SLC9A9: variants seen among roughly 807,000 people sequenced by gnomAD.
The protein encoded by SLC9A9 is sodium/hydrogen exchanger 9.
In SLC9A9, 62 loss-of-function variants were observed where a neutral mutation model predicts 77.8. The observed-to-expected ratio is 0.80, with a 90% CI of 0.65 to 0.98. The LOEUF (loss-of-function observed/expected upper bound fraction) is 0.98. SLC9A9 is among the 50% of genes least tolerant of loss of function. The pLI, the probability that SLC9A9 is intolerant of heterozygous loss-of-function variation, is 0.00. For synonymous variants in SLC9A9, 320 were observed against 283.5 expected, an observed-to-expected ratio of 1.13 and a Z score of -1.29; for missense variants, 775 against 774.9, an observed-to-expected ratio of 1.00 and a Z score of 0.00.
At chr3:143,482,344 T>C (rs1188699467) in intron 11 of SLC9A9, among the ~76,000 whole-genome samples, 1 of 152,206 alleles carries the variant, frequency 6.6e-6, no homozygotes, top group Admixed American at 6.5e-5. Flanking sequence ...TTCATGGTTA[T>C]GTGAGCTCAT....
At chr3:143,317,182 T>C (rs188786113) in intron 14 of SLC9A9, among the ~76,000 whole-genome samples, 35 of 152,226 alleles carry the variant, frequency 2.3e-4, no homozygotes, top group Non-Finnish European at 3.5e-4. Context: ...AAAACACTAA[T>C]TATCTGGCTG....
At position 143,466,023 on chromosome 3, in the gene SLC9A9, G is replaced by A. The variant is rs538468020; in HGVS notation, c.1469+1014C>T. Reference sequence around the variant, plus strand: ...GACCTGCAGTGAATGGTTAATGAAAGTGTTTACATTTGTGGTTGTATTCAT... The same window carrying A: ...GACCTGCAGTGAATGGTTAATGAAAATGTTTACATTTGTGGTTGTATTCAT... On this transcript the variant is annotated intron_variant, in intron 12 of 15. Coordinates refer to ENST00000316549, the MANE Select transcript of SLC9A9 (RefSeq NM_173653.4). 1.4e-4 allele frequency among the ~76,000 whole-genome samples: 21 copies of A among 152,292 alleles called. No homozygotes were observed. In the East Asian group the frequency reaches 3.5e-3, roughly 25 times the overall value.
At chr3:143,413,738 G>A (rs2034139950) in intron 12 of SLC9A9, among the ~76,000 whole-genome samples, 1 of 152,042 alleles carries the variant, frequency 6.6e-6, no homozygotes, top group Admixed American at 6.6e-5. Context: ...TGCTCTGGAA[G>A]CCATATTGCA....
In SLC9A9 at chr3:143,722,524, G is replaced by A. The variant is rs1298299955; in HGVS notation, c.534-29217C>T. Among the ~76,000 whole-genome samples the A allele has an allele frequency of 3.5e-5, 5 of 144,150 alleles. No homozygotes were observed. The South Asian group carries it at 9.2e-4, about 26-fold the overall frequency. 94.6% of individuals were successfully genotyped at this position (144,150 alleles called of 152,430 possible). On this transcript the variant is annotated intron_variant, in intron 4 of 15. Coordinates refer to ENST00000316549, the MANE Select transcript of SLC9A9 (RefSeq NM_173653.4). ...ATCATTATCAATAGAAATTGATGGC[G>A]CACCCTAAGGAGAAGTCACTGTACC... is the stretch of plus-strand genomic sequence containing the variant.
intron 5 of SLC9A9, among the ~76,000 whole-genome samples, chr3:143,689,549 T>C (rs1933389155): frequency 6.6e-6 from 1 of 151,956 alleles, no homozygotes; most frequent in Non-Finnish European, 1.5e-5. Flanking sequence ...GAACTACTGG[T>C]GTGCACCACC....
chr3:143,656,356 C>T (rs573754916), intron 5 of SLC9A9, among the ~76,000 whole-genome samples: 2 of 152,162 alleles, frequency 1.3e-5, no homozygotes, highest in African/African-American at 4.8e-5. Context: ...AAGATGATAA[C>T]CACACCTAGT....
intron 12 of SLC9A9, among the ~76,000 whole-genome samples, chr3:143,434,292 T>C (rs1170259917): frequency 6.6e-6 from 1 of 152,216 alleles, no homozygotes; most frequent in African/African-American, 2.4e-5. Context: ...TCCTTTGGTT[T>C]CCTATATAAT....
At chr3:143,705,041 A>ATCTATCTATCTATCTATC (rs765935008) in intron 4 of SLC9A9, among the ~76,000 whole-genome samples, 1 of 60,214 alleles carries the variant, frequency 1.7e-5, no homozygotes, top group Non-Finnish European at 3.9e-5. Context: ...CTATCTATCT[A>ATCTATCTATCTATCTATC]TATAGATATA....
chr3:143,289,809 C>T (rs1459394495), intron 14 of SLC9A9, among the ~76,000 whole-genome samples: 1 of 152,122 alleles, frequency 6.6e-6, no homozygotes, highest in African/African-American at 2.4e-5. Context: ...GCTCCACCTC[C>T]CCTCCCATTC....
intron 4 of SLC9A9, among the ~76,000 whole-genome samples, chr3:143,716,411 A>G (rs1348769142): frequency 6.6e-6 from 1 of 151,570 alleles, no homozygotes; most frequent in Non-Finnish European, 1.5e-5. Context: ...AAGGAAAATC[A>G]CATACTTAGT....
At chr3:143,428,173 A>G (rs2034440268) in intron 12 of SLC9A9, among the ~76,000 whole-genome samples, 1 of 152,172 alleles carries the variant, frequency 6.6e-6, no homozygotes, top group Non-Finnish European at 1.5e-5. Context: ...TGCAAACTAT[A>G]CATCTGACAA....
chr3:143,817,638 A>T lies in SLC9A9; in HGVS notation c.378+14381T>A, dbSNP rs552467802. Among the ~76,000 whole-genome samples the T allele has an allele frequency of 2.0e-5, 3 of 152,266 alleles. 1 individual carries two copies. Among genetic ancestry groups the T allele is most frequent in the African/African-American group, 7.2e-5 (3 of 41,542 alleles). On this transcript the variant is annotated intron_variant, in intron 2 of 15. Transcript: ENST00000316549. ...ATTTGTGATAAGATGTGAGATAGGG[A>T]TCTAATTCTTTTTCTTCCATATTGA... is the stretch of plus-strand genomic sequence containing the variant.
rs143468139 is a variant in SLC9A9 at position 143,578,674 on chromosome 3, C to T, written c.805G>A (p.Ala269Thr). The change falls in exon 7 of 16, where the codon GCA becomes ACA. Residue 269 changes from alanine (A) to threonine (T), a missense_variant. Ala to Thr is a moderately conservative substitution (Grantham distance 58). Coordinates refer to ENST00000316549, the MANE Select transcript of SLC9A9 (RefSeq NM_173653.4). ...TTCCCCACAGACTGGAAGAATGCTG[C>T]GGCATCAAATGCATTTGGATTCTCC... is the stretch of plus-strand genomic sequence containing the variant. ...PKENPNAFDAAAFFQSVGNFL... is the reference protein window; with the variant it reads ...PKENPNAFDATAFFQSVGNFL... The T allele has an allele frequency of 8.0e-5, 129 of 1,614,056 alleles. No homozygotes were observed. The highest frequency in any genetic ancestry group is 9.9e-5 in the Non-Finnish European group (117 of 1,179,930).
chr3:143,376,456 AATGGGAGTGAT>A (rs1379558182), intron 13 of SLC9A9, among the ~76,000 whole-genome samples: 2 of 152,208 alleles, frequency 1.3e-5, no homozygotes, highest in Admixed American at 6.5e-5. Flanking sequence ...CCATTTGTAA[AATGGGAGTGAT>A]ATAGGTATCT....
rs545983835 is a variant in SLC9A9, at chr3:143,707,000, G to T, written c.534-13693C>A. Reference sequence around the variant, plus strand: ...GAGGCTGGTTAGTGAATGGGGTGGGGGCAGTAGGAAGATGGAGAGCAATGC... The same window carrying T: ...GAGGCTGGTTAGTGAATGGGGTGGGTGCAGTAGGAAGATGGAGAGCAATGC... On this transcript the variant is annotated intron_variant, in intron 4 of 15. Transcript: ENST00000316549. Among the ~76,000 whole-genome samples, 63 of 152,212 alleles carry T rather than the reference G, an allele frequency of 4.1e-4. 1 individual carries two copies. The South Asian group carries it at 0.013, about 31-fold the overall frequency.
At chr3:143,347,637 G>T (rs2032326077) in intron 14 of SLC9A9, among the ~76,000 whole-genome samples, 1 of 152,144 alleles carries the variant, frequency 6.6e-6, no homozygotes, top group African/African-American at 2.4e-5. Flanking sequence ...TACCTGTAAG[G>T]AGAGAGAAAT....
intron 12 of SLC9A9, among the ~76,000 whole-genome samples, chr3:143,450,251 A>G (rs2034980813): frequency 7.0e-6 from 1 of 143,092 alleles, no homozygotes; most frequent in Admixed American, 7.3e-5. Flanking sequence ...TAATTTATAT[A>G]TTGTAACATA....
chr3:143,466,726 T>C (rs1020967003), intron 12 of SLC9A9, among the ~76,000 whole-genome samples: 4 of 152,252 alleles, frequency 2.6e-5, no homozygotes, highest in Non-Finnish European at 5.9e-5. Flanking sequence ...TGTCTTATTT[T>C]TGTAAACTCC....
intron 14 of SLC9A9, among the ~76,000 whole-genome samples, chr3:143,311,100 C>G (rs2031001444): frequency 1.3e-5 from 2 of 152,252 alleles, no homozygotes; most frequent in Admixed American, 6.5e-5. Context: ...TCAGCCCACA[C>G]AGTCAATGGG....
Sources: gnomAD v4.1 joint callset for allele counts (sites outside exome capture counted in the v4.1 genomes callset) on GRCh38, gnomAD v4.1.1 for gene constraint, MANE v1.5 for transcripts, NCBI Gene and HGNC (gene_info 2026-07-23, HGNC 2026-07-21) for gene names.